The following TENM2 variants were observed in gnomAD, a reference collection of about 807,000 sequenced individuals.
The protein encoded by TENM2 is teneurin-2.
A neutral mutation model predicts 245.2 loss-of-function variants in TENM2; 52 were observed. That is an observed-to-expected ratio of 0.21 (90% confidence interval 0.17 to 0.27). TENM2 has a LOEUF of 0.27. TENM2 is among the 10% of genes least tolerant of loss of function. The pLI is 1.00. For missense variants in TENM2, 3,046 were observed against 3,666.8 expected (o/e 0.83, Z 4.37); for synonymous variants, 1,363 against 1,438.9 (o/e 0.95, Z 1.19).
intron 2 of TENM2, among the ~76,000 whole-genome samples, chr5:167,492,943 C>A (rs1168751644): frequency 7.2e-5 from 11 of 152,058 alleles, no homozygotes; most frequent in Non-Finnish European, 2.9e-5. Context: ...GATTTCCAAG[C>A]AGAAGCTTGG....
chr5:167,727,258 C>T (rs1036396926), intron 2 of TENM2, among the ~76,000 whole-genome samples: 23 of 151,758 alleles, frequency 1.5e-4, no homozygotes, highest in Admixed American at 5.9e-4. Flanking sequence ...TACAGGTGCC[C>T]GCCACCACGC....
At chr5:167,867,687 T>C (rs1772443325) in intron 2 of TENM2, among the ~76,000 whole-genome samples, 1 of 152,186 alleles carries the variant, frequency 6.6e-6, no homozygotes, top group African/African-American at 2.4e-5. Context: ...CAGGCTGATA[T>C]CGTCTCATTG....
chr5:167,673,248 T>C (rs532476157), intron 2 of TENM2, among the ~76,000 whole-genome samples: 2 of 152,222 alleles, frequency 1.3e-5, no homozygotes, highest in African/African-American at 4.8e-5. Context: ...CTGCTGTGTA[T>C]TGTTCAGTAT....
chr5:167,232,810 A>AT, the TENM2 span, among the ~76,000 whole-genome samples: 1 of 152,276 alleles, frequency 6.6e-6, no homozygotes, highest in Admixed American at 6.5e-5. Flanking sequence ...GCAAAGCTCT[A>AT]TGTCAGGTTA....
intron 2 of TENM2, among the ~76,000 whole-genome samples, chr5:167,572,694 T>C (rs1406351671): frequency 6.6e-6 from 1 of 152,164 alleles, no homozygotes; most frequent in Admixed American, 6.6e-5. Context: ...TGAGTAGAAA[T>C]GGAACAAAGC....
chr5:167,234,662 A>T, the TENM2 span, among the ~76,000 whole-genome samples: 1 of 152,192 alleles, frequency 6.6e-6, no homozygotes, highest in Non-Finnish European at 1.5e-5. Flanking sequence ...GGTTGATTAT[A>T]TTTGGCACAA....
chr5:167,856,020 ACT>A (rs1771067070), intron 2 of TENM2, among the ~76,000 whole-genome samples: 1 of 152,042 alleles, frequency 6.6e-6, no homozygotes. Context: ...TGGTCTAGGA[ACT>A]CTGATGGAAA....
At chr5:168,142,817 A>G (rs1233520686) in intron 12 of TENM2, among the ~76,000 whole-genome samples, 1 of 152,200 alleles carries the variant, frequency 6.6e-6, no homozygotes, top group Non-Finnish European at 1.5e-5. Flanking sequence ...CATACTATTC[A>G]GAAAAGTCCT....
At chr5:168,074,359 G>T (rs945621628) in intron 7 of TENM2, among the ~76,000 whole-genome samples, 3 of 152,100 alleles carry the variant, frequency 2.0e-5, no homozygotes, top group African/African-American at 7.2e-5. Context: ...ACCCCAGAGG[G>T]CCTTCATAGG....
chr5:167,699,925 A>G (rs541509316), intron 2 of TENM2, among the ~76,000 whole-genome samples: 2 of 152,342 alleles, frequency 1.3e-5, no homozygotes, highest in Non-Finnish European at 2.9e-5. Flanking sequence ...GAAAAATCAC[A>G]TAGCTAGAAA....
chr5:168,011,457 G>A (rs1406087111), intron 5 of TENM2, among the ~76,000 whole-genome samples: 1 of 152,126 alleles, frequency 6.6e-6, no homozygotes, highest in Non-Finnish European at 1.5e-5. Flanking sequence ...GACAGCCCCT[G>A]GTTAAAGAAT....
chr5:167,243,536 G>A, the TENM2 span, among the ~76,000 whole-genome samples: 12 of 152,286 alleles, frequency 7.9e-5, no homozygotes, highest in African/African-American at 2.9e-4. Context: ...TTGGTGGGCT[G>A]CGTGGTTGTA....
chr5:167,476,020 A>C (rs1047581289), intron 2 of TENM2, among the ~76,000 whole-genome samples: 1 of 152,194 alleles, frequency 6.6e-6, no homozygotes, highest in Non-Finnish European at 1.5e-5. Context: ...TTAAGTGAGA[A>C]GAATAACATT....
At chr5:167,326,032 G>A (rs929070554) in intron 1 of TENM2, among the ~76,000 whole-genome samples, 1 of 152,144 alleles carries the variant, frequency 6.6e-6, no homozygotes, top group Admixed American at 6.5e-5. Flanking sequence ...TTGAATTGGA[G>A]CATGAAGTGG....
chr5:167,050,539 G>C, the TENM2 span, among the ~76,000 whole-genome samples: 1 of 152,170 alleles, frequency 6.6e-6, no homozygotes, highest in African/African-American at 2.4e-5. Flanking sequence ...CCTGAGGTCA[G>C]TGAAGAATAA....
At position 167,955,643 on chromosome 5, in the gene TENM2, T is replaced by C. The variant is rs187230750; in HGVS notation, c.947+2821T>C. On this transcript the variant is annotated intron_variant, in intron 4 of 28. Transcript: ENST00000518659. ...TTAATCCATCTTGAGTTAATTTTTGTATAAGGCATAAGGAAGTGTTCCAGT... is the reference window on the plus strand; with the variant it reads ...TTAATCCATCTTGAGTTAATTTTTGCATAAGGCATAAGGAAGTGTTCCAGT... Among the ~76,000 whole-genome samples, 615 of 152,342 alleles carry C rather than the reference T, an allele frequency of 4.0e-3. 3 individuals are homozygous for C. The highest frequency in any genetic ancestry group is 0.014 in the African/African-American group (568 of 41,586).
At chr5:167,695,479 T>G (rs1757698517) in intron 2 of TENM2, among the ~76,000 whole-genome samples, 1 of 152,082 alleles carries the variant, frequency 6.6e-6, no homozygotes. Flanking sequence ...AAACAATCCT[T>G]GGGCCAGTTT....
chr5:167,925,530 A>G (rs1040063405), intron 3 of TENM2, among the ~76,000 whole-genome samples: 1 of 152,196 alleles, frequency 6.6e-6, no homozygotes, highest in African/African-American at 2.4e-5. Flanking sequence ...TTCAACCATC[A>G]TGGAAAGCAA....
At chr5:167,311,979 A>G (rs1756059373) in intron 1 of TENM2, among the ~76,000 whole-genome samples, 1 of 152,174 alleles carries the variant, frequency 6.6e-6, no homozygotes, top group Non-Finnish European at 1.5e-5. Context: ...GAATTTTTTA[A>G]GGTCATATGA....
Sources: gnomAD v4.1 joint callset for allele counts (sites outside exome capture counted in the v4.1 genomes callset) on GRCh38, gnomAD v4.1.1 for gene constraint, MANE v1.5 for transcripts, NCBI Gene and HGNC (gene_info 2026-07-23, HGNC 2026-07-21) for gene names.